Variants in TBC1D19 observed in about 807,000 individuals in gnomAD.
TBC1D19 encodes TBC1 domain family, member 19.
In TBC1D19, 60 loss-of-function variants were observed where a neutral mutation model predicts 89.0. That is an observed-to-expected ratio of 0.67 (90% CI 0.55 to 0.84). The LOEUF is 0.84. Among genes scored for constraint, TBC1D19 ranks in the 40% least tolerant of loss-of-function variants. The probability of loss-of-function intolerance (pLI) is 0.00; values close to 1 mark genes in which losing one functional copy is unlikely to be tolerated. For synonymous variants in TBC1D19, 189 were observed against 199.7 expected, an observed-to-expected ratio of 0.95 and a Z score of 0.45; for missense variants, 500 against 610.8, an observed-to-expected ratio of 0.82 and a Z score of 1.91.
chr4:26,809,129 T>C, the TBC1D19 span, among the ~76,000 whole-genome samples: 21 of 152,186 alleles, frequency 1.4e-4, no homozygotes, highest in Admixed American at 4.6e-4. Context: ...ATGAGTTTTC[T>C]GGCAGTGTAG....
the TBC1D19 span, among the ~76,000 whole-genome samples, chr4:26,819,104 G>A: frequency 9.8e-5 from 15 of 152,354 alleles, no homozygotes; most frequent in African/African-American, 3.6e-4. Flanking sequence ...GCAGCCGCTG[G>A]AAGCAAAGAC....
chr4:26,832,437 C>T, the TBC1D19 span, among the ~76,000 whole-genome samples: 2 of 152,190 alleles, frequency 1.3e-5, no homozygotes, highest in African/African-American at 4.8e-5. Flanking sequence ...AAATATAATG[C>T]TCCAGAAGTC....
chr4:26,793,722 CAAAAAAAAAAA>C, the TBC1D19 span, among the ~76,000 whole-genome samples: 1 of 79,002 alleles, frequency 1.3e-5, no homozygotes, highest in Non-Finnish European at 2.4e-5. Flanking sequence ...GACTTCGTCT[CAAAAAAAAAAA>C]AAAAAAAAAA....
At chr4:26,646,267 A>G (rs1002749006) in intron 7 of TBC1D19, among the ~76,000 whole-genome samples, 3 of 152,232 alleles carry the variant, frequency 2.0e-5, no homozygotes, top group Non-Finnish European at 4.4e-5. Context: ...ACAATGAGAT[A>G]CCATCTCACA....
At chr4:26,664,104 T>C (rs1444837835) in intron 8 of TBC1D19, among the ~76,000 whole-genome samples, 1 of 152,186 alleles carries the variant, frequency 6.6e-6, no homozygotes, top group Non-Finnish European at 1.5e-5. Context: ...ACAGTGCTTG[T>C]CTTCCAAGAG....
the TBC1D19 span, among the ~76,000 whole-genome samples, chr4:26,830,914 T>C: frequency 3.5e-4 from 53 of 152,296 alleles, no homozygotes; most frequent in Admixed American, 1.5e-3. Context: ...TTGAGTGAAG[T>C]GTATATGCCC....
rs529183557 is a variant in TBC1D19 at position 26,677,467 on chromosome 4, C to T, written c.816+3579C>T. ...CCGATTAGCTGGGACTACAGGTGCC[C>T]GCCACTACACCGGCTAATTTTTTTT... On this transcript the variant is annotated intron_variant, in intron 11 of 20. Transcript: ENST00000264866. 1.4e-3 allele frequency among the ~76,000 whole-genome samples: 212 copies of T among 152,080 alleles called. 1 individual carries two copies. The highest frequency in any genetic ancestry group is 8.3e-3 in the Admixed American group (127 of 15,270).
chr4:26,839,062 A>G, the TBC1D19 span, among the ~76,000 whole-genome samples: 70,116 of 152,030 alleles, frequency 0.46, 16,561 homozygotes, highest in Middle Eastern at 0.66. Flanking sequence ...TGCTTATTCT[A>G]TACAACATCT....
chr4:26,599,926 C>T (rs903644359), intron 1 of TBC1D19, among the ~76,000 whole-genome samples: 23 of 112,868 alleles, frequency 2.0e-4, no homozygotes, highest in African/African-American at 7.4e-4. Context: ...CCATCCTGGG[C>T]GACAAAGCAA....
the TBC1D19 span, among the ~76,000 whole-genome samples, chr4:26,831,575 C>CT: frequency 6.9e-6 from 1 of 145,246 alleles, no homozygotes. Context: ...CTTTCTTTTT[C>CT]TTCTTTTTTT....
chr4:26,797,015 A>G, the TBC1D19 span, among the ~76,000 whole-genome samples: 1 of 152,184 alleles, frequency 6.6e-6, no homozygotes, highest in Non-Finnish European at 1.5e-5. Context: ...TTAAAAAATT[A>G]TTTTTGGAAG....
At chr4:26,769,127 G>A in the TBC1D19 span, among the ~76,000 whole-genome samples, 2 of 152,132 alleles carry the variant, frequency 1.3e-5, no homozygotes, top group African/African-American at 4.8e-5. Flanking sequence ...CTAGAAGGCA[G>A]TAGACCGATG....
At chr4:26,723,744 C>A (rs1256144866) in intron 15 of TBC1D19, among the ~76,000 whole-genome samples, 1 of 152,018 alleles carries the variant, frequency 6.6e-6, no homozygotes, top group Admixed American at 6.6e-5. Context: ...TGTCTTTATT[C>A]ATTTGATAAA....
At chr4:26,726,635 T>G (rs1217190268) in intron 15 of TBC1D19, among the ~76,000 whole-genome samples, 1 of 152,214 alleles carries the variant, frequency 6.6e-6, no homozygotes, top group African/African-American at 2.4e-5. Flanking sequence ...ATCTCTATTC[T>G]TACTGACCTG....
the TBC1D19 span, among the ~76,000 whole-genome samples, chr4:26,785,104 T>A: frequency 6.6e-6 from 1 of 152,226 alleles, no homozygotes; most frequent in Non-Finnish European, 1.5e-5. Context: ...ACATAGCCAT[T>A]TGAAATGTTA....
chr4:26,804,843 G>A, the TBC1D19 span, among the ~76,000 whole-genome samples: 1 of 152,358 alleles, frequency 6.6e-6, no homozygotes, highest in Non-Finnish European at 1.5e-5. Flanking sequence ...GTTGAAGAGG[G>A]AAAATTTAAA....
chr4:26,790,775 G>A, the TBC1D19 span, among the ~76,000 whole-genome samples: 4,100 of 152,206 alleles, frequency 0.027, 167 homozygotes, highest in African/African-American at 0.086. Flanking sequence ...ACAAAAATCT[G>A]TCACTTTCCT....
chr4:26,749,974 A>G (rs1718861328), intron 19 of TBC1D19, among the ~76,000 whole-genome samples: 1 of 152,186 alleles, frequency 6.6e-6, no homozygotes, highest in Non-Finnish European at 1.5e-5. Flanking sequence ...ATAATCTAGC[A>G]AGAGAAGGAA....
the TBC1D19 span, among the ~76,000 whole-genome samples, chr4:26,818,205 TC>T: frequency 6.6e-6 from 1 of 152,016 alleles, no homozygotes; most frequent in Non-Finnish European, 1.5e-5. Context: ...TGGAATTTTT[TC>T]TTTCAATTTT....
Sources: gnomAD v4.1 joint callset for allele counts (sites outside exome capture counted in the v4.1 genomes callset) on GRCh38, gnomAD v4.1.1 for gene constraint, MANE v1.5 for transcripts, NCBI Gene and HGNC (gene_info 2026-07-23, HGNC 2026-07-21) for gene names.